AGBL1: variants seen among roughly 807,000 people sequenced by gnomAD.
AGBL1 encodes AGBL carboxypeptidase 1.
Under a neutral mutation model 118.9 loss-of-function variants are expected in AGBL1, and 130 were observed. The ratio of observed to expected loss-of-function variants is 1.09; its 90% CI spans 0.95 to 1.26. The LOEUF (loss-of-function observed/expected upper bound fraction) is 1.26. Ranked by LOEUF, AGBL1 falls within the 50% of genes most tolerant of loss-of-function variation. The pLI, the probability that AGBL1 is intolerant of heterozygous loss-of-function variation, is 0.00. For missense variants in AGBL1, 1,584 were observed against 1,298.1 expected, an observed-to-expected ratio of 1.22 and a Z score of -3.38; for synonymous variants, 555 against 478.9, an observed-to-expected ratio of 1.16 and a Z score of -2.08.
rs1567194626 is a variant in AGBL1, at chr15:86,827,399, ATATATATATGTG to A, written c.3159-79678_3159-79667del. 2.0e-3 allele frequency among the ~76,000 whole-genome samples: 17 copies of A among 8,434 alleles called. 4 individuals carry two copies. In the African/African-American group the frequency reaches 0.02, roughly 10 times the overall value. 5.5% of individuals were successfully genotyped at this position (8,434 alleles called of 152,430 possible). A position where few individuals can be genotyped will look rare whatever the true frequency, so the allele number is the denominator to read the frequency against. ...TATATATATACACATATATATATAC[ATATATATATGTG>A]TATATATATATATATATACACATAT... On this transcript the variant is annotated intron_variant, in intron 22 of 22. Coordinates refer to ENST00000614907, the MANE Select transcript of AGBL1 (RefSeq NM_001386094.1).
At chr15:86,946,969 G>A (rs2080831178) in intron 23 of AGBL1, among the ~76,000 whole-genome samples, 1 of 152,036 alleles carries the variant, frequency 6.6e-6, no homozygotes, top group South Asian at 2.1e-4. Flanking sequence ...AATCTGTGTG[G>A]CATCTTTTCA....
intron 23 of AGBL1, among the ~76,000 whole-genome samples, chr15:86,969,248 T>G (rs1596687921): frequency 6.6e-6 from 1 of 151,942 alleles, no homozygotes; most frequent in Admixed American, 6.6e-5. Context: ...TGTGGGCCAG[T>G]GAAATCAAAC....
At chr15:86,936,392 A>G (rs1160240851) in intron 23 of AGBL1, among the ~76,000 whole-genome samples, 6 of 152,200 alleles carry the variant, frequency 3.9e-5, no homozygotes, top group African/African-American at 7.2e-5. Context: ...AAAACTGGCC[A>G]TTATCTGGTG....
At chr15:87,015,826 T>A (rs1379856360) in intron 24 of AGBL1, among the ~76,000 whole-genome samples, 1 of 152,162 alleles carries the variant, frequency 6.6e-6, no homozygotes, top group African/African-American at 2.4e-5. Flanking sequence ...TAGACACTTA[T>A]GGGAAAAATG....
chr15:86,307,862 A>C (rs139342038), intron 17 of AGBL1, among the ~76,000 whole-genome samples: 1,679 of 152,266 alleles, frequency 0.011, 30 homozygotes, highest in African/African-American at 0.036. Context: ...TGTATACACA[A>C]TCCAATTTAA....
intron 18 of AGBL1, among the ~76,000 whole-genome samples, chr15:86,509,615 A>G (rs1232318581): frequency 6.6e-6 from 1 of 152,156 alleles, no homozygotes. Flanking sequence ...TGAGGAGGCA[A>G]TTGCTGTAAT....
chr15:86,856,689 A>G (rs1320086911), intron 22 of AGBL1, among the ~76,000 whole-genome samples: 1 of 152,258 alleles, frequency 6.6e-6, no homozygotes, highest in African/African-American at 2.4e-5. Flanking sequence ...TCCACAGATG[A>G]GAAAACTGAT....
chr15:86,548,663 G>GCGCACACACACA (rs1028988193), intron 20 of AGBL1, among the ~76,000 whole-genome samples: 15 of 142,694 alleles, frequency 1.1e-4, no homozygotes, highest in African/African-American at 3.6e-4. Context: ...ACACATGCAC[G>GCGCACACACACA]CACACACACA....
intron 19 of AGBL1, among the ~76,000 whole-genome samples, chr15:86,523,767 A>C (rs1009892360): frequency 6.6e-6 from 1 of 152,310 alleles, no homozygotes; most frequent in Admixed American, 6.5e-5. Flanking sequence ...CTGTTTTCCC[A>C]AGCCTCTAGT....
chr15:86,822,786 C>T (rs1471546933), intron 22 of AGBL1, among the ~76,000 whole-genome samples: 1 of 152,094 alleles, frequency 6.6e-6, no homozygotes, highest in Non-Finnish European at 1.5e-5. Flanking sequence ...ACACCATTAC[C>T]CCTCAGACCT....
intron 1 of AGBL1, among the ~76,000 whole-genome samples, chr15:86,087,619 T>TA (rs1327492731): frequency 6.6e-6 from 1 of 152,184 alleles, no homozygotes; most frequent in Non-Finnish European, 1.5e-5. Flanking sequence ...CGTGAGCCAC[T>TA]GCACCCCGCC....
At chr15:86,597,579 A>G (rs2084430381) in intron 21 of AGBL1, among the ~76,000 whole-genome samples, 1 of 152,162 alleles carries the variant, frequency 6.6e-6, no homozygotes, top group African/African-American at 2.4e-5. Flanking sequence ...TCCTAAATAC[A>G]GTACGTAATA....
At chr15:86,296,727 T>C (rs1414572143) in intron 17 of AGBL1, 3 of 152,240 alleles carry the variant, frequency 2.0e-5, no homozygotes, top group Non-Finnish European at 4.4e-5. Context: ...AATTCTCTTC[T>C]GTGTTTTATG....
At chr15:87,009,261 A>G (rs747789806) in intron 24 of AGBL1, among the ~76,000 whole-genome samples, 5 of 152,138 alleles carry the variant, frequency 3.3e-5, no homozygotes, top group Non-Finnish European at 7.4e-5. Context: ...TACTCCAGCC[A>G]TGACTAAAAG....
chr15:86,972,380 C>G (rs780530813), intron 23 of AGBL1, among the ~76,000 whole-genome samples: 3 of 152,048 alleles, frequency 2.0e-5, no homozygotes, highest in Non-Finnish European at 4.4e-5. Context: ...ATAGTGGCAC[C>G]TGTTGGTGCC....
At chr15:86,742,781 T>C (rs1393727489) in intron 22 of AGBL1, among the ~76,000 whole-genome samples, 1 of 152,164 alleles carries the variant, frequency 6.6e-6, no homozygotes, top group Admixed American at 6.6e-5. Context: ...AGTCTCCTTA[T>C]GCAGAATAAA....
chr15:86,934,816 CT>C, intron 23 of AGBL1, among the ~76,000 whole-genome samples: 1 of 152,192 alleles, frequency 6.6e-6, no homozygotes. Flanking sequence ...AGTAAGTTCC[CT>C]TTTTCCATGG....
At chr15:86,457,089 A>T (rs1360486103) in intron 18 of AGBL1, among the ~76,000 whole-genome samples, 1 of 152,158 alleles carries the variant, frequency 6.6e-6, no homozygotes, top group Non-Finnish European at 1.5e-5. Flanking sequence ...ATTCGAAAAA[A>T]ATTTCAAAAT....
chr15:86,871,646 G>T (rs997016535), intron 22 of AGBL1, among the ~76,000 whole-genome samples: 2 of 152,048 alleles, frequency 1.3e-5, no homozygotes, highest in Non-Finnish European at 2.9e-5. Flanking sequence ...CTCTTCCAAT[G>T]GTTGGATGCT....
Sources: gnomAD v4.1 joint callset for allele counts (sites outside exome capture counted in the v4.1 genomes callset) on GRCh38, gnomAD v4.1.1 for gene constraint, MANE v1.5 for transcripts, NCBI Gene and HGNC (gene_info 2026-07-23, HGNC 2026-07-21) for gene names.